Variants in MOBP observed in about 807,000 individuals in gnomAD.
The protein encoded by MOBP is myelin-associated oligodendrocyte basic protein.
MOBP carries 5 observed loss-of-function variants against 15.0 expected under a neutral mutation model. The ratio of observed to expected loss-of-function variants is 0.33; its 90% CI spans 0.17 to 0.70. The LOEUF is 0.70. MOBP is among the 30% of genes least tolerant of loss of function. The pLI, the probability that MOBP is intolerant of heterozygous loss-of-function variation, is 0.67. For missense variants in MOBP, 188 were observed against 257.8 expected, an observed-to-expected ratio of 0.73 and a Z score of 1.85; for synonymous variants, 88 against 99.0, an observed-to-expected ratio of 0.89 and a Z score of 0.66.
chr3:39,492,039 C>T (rs7627794), intron 2 of MOBP, among the ~76,000 whole-genome samples: 45,361 of 152,144 alleles, frequency 0.3, 9,150 homozygotes, highest in African/African-American at 0.57. Context: ...ACAGCTTTGG[C>T]TGGGAGGCTG....
intron 2 of MOBP, among the ~76,000 whole-genome samples, chr3:39,484,783 A>G (rs2042677855): frequency 6.6e-6 from 1 of 152,238 alleles, no homozygotes; most frequent in African/African-American, 2.4e-5. Context: ...TAACAACCGT[A>G]GGTCACACCC....
intron 2 of MOBP, among the ~76,000 whole-genome samples, chr3:39,486,850 T>C (rs2042717559): frequency 6.6e-6 from 1 of 152,160 alleles, no homozygotes; most frequent in Non-Finnish European, 1.5e-5. Flanking sequence ...AGGAATTATT[T>C]GTATATTATA....
exon 5 of MOBP, chr3:39,513,490 C>A: frequency 6.8e-7 from 1 of 1,480,372 alleles, no homozygotes; most frequent in Non-Finnish European, 9.4e-7. Context: ...ACCCATCTAC[C>A]CCTGGATGAA....
chr3:39,512,084 C>T (rs2043127118), intron 4 of MOBP, among the ~76,000 whole-genome samples: 1 of 152,204 alleles, frequency 6.6e-6, no homozygotes, highest in Non-Finnish European at 1.5e-5. Context: ...TTAACCCTAT[C>T]TACTAGCATA....
chr3:39,502,829 G>C lies in MOBP; in HGVS notation c.501G>C (p.Gly167=), dbSNP rs1401169438. Residue 167 remains glycine (G), a synonymous_variant, in exon 4 of 4, where the codon GGG becomes GGC. Coordinates refer to ENST00000684792, the MANE Select transcript of MOBP (RefSeq NM_001393704.1). The surrounding 1 kb of genome is among the most constrained non-coding windows in gnomAD (Gnocchi z 6.3). ...AGCCGCGCAGCAGCCCCCTCAGAGG[G>C]CCAGGCGCCAGCCGTGGGGGGTCCC... ...KQQPRSSPLR[G]PGASRGGSPV... 6.6e-7 allele frequency: 1 copy of C among 1,519,026 alleles called. No individual in the cohort carries two copies. Among genetic ancestry groups the C allele is most frequent in the Non-Finnish European group, 8.8e-7 (1 of 1,134,176 alleles). The allele number at this position is 1,519,026 out of a possible 1,614,324, so 94.1% of individuals were successfully genotyped here.
chr3:39,488,337 G>C (rs2042746193), intron 2 of MOBP, among the ~76,000 whole-genome samples: 1 of 152,116 alleles, frequency 6.6e-6, no homozygotes, highest in Non-Finnish European at 1.5e-5. Flanking sequence ...ACATGTCTAA[G>C]ATTGAACTCT....
chr3:39,482,149 C>G (rs961468350), intron 2 of MOBP, among the ~76,000 whole-genome samples: 2 of 152,130 alleles, frequency 1.3e-5, no homozygotes, highest in Non-Finnish European at 2.9e-5. Context: ...TAGATACTTC[C>G]AACACCCATC....
At position 39,481,193 on chromosome 3, in the gene MOBP, A is replaced by G. The variant is rs2042623461; in HGVS notation, c.-5+1070A>G. 2.0e-5 allele frequency among the ~76,000 whole-genome samples: 3 copies of G among 152,214 alleles called. No individual in the cohort carries two copies. In the South Asian group the frequency reaches 6.2e-4, roughly 31 times the overall value. ...ACTAAAGAAAAACAGAGTGGAGCAG[A>G]TTTGTATTTCTGCAAATTAATGGTC... On this transcript the variant is annotated intron_variant, in intron 2 of 3. Transcript: ENST00000684792.
At chr3:39,484,524 C>T (rs1367287234) in intron 2 of MOBP, among the ~76,000 whole-genome samples, 1 of 152,170 alleles carries the variant, frequency 6.6e-6, no homozygotes, top group East Asian at 1.9e-4. Context: ...GCTGGGCCCG[C>T]CTGTCCCCTT....
rs1458373298 is a variant in MOBP, at chr3:39,495,777, G to A, written c.-4-6289G>A. 2.7e-4 allele frequency among the ~76,000 whole-genome samples: 38 copies of A among 139,004 alleles called. No homozygotes were observed. The South Asian group carries it at 5.6e-3, about 20-fold the overall frequency. The allele number at this position is 139,004 out of a possible 152,430, so 91.2% of individuals were successfully genotyped here. On this transcript the variant is annotated intron_variant, in intron 2 of 3. Transcript: ENST00000684792. ...AAAAAAAAAAAAAAAAGAAAAGAAA[G>A]AGGAAAAAAAGAAATTATAAGTGCA...
At position 39,496,756 on chromosome 3, in the gene MOBP, C is replaced by T. The variant is rs549146942; in HGVS notation, c.-4-5310C>T. The stretch of plus-strand genomic sequence containing the variant: ...TCGGCTCACCACAACCTCTGCCTCC[C>T]GGGTTCAAGCGATTCTCCTGCCTCA... On this transcript the variant is annotated intron_variant, in intron 2 of 3. Transcript: ENST00000684792. Among the ~76,000 whole-genome samples the T allele has an allele frequency of 2.3e-3, 355 of 152,104 alleles. 2 individuals are homozygous for T. The highest frequency in any genetic ancestry group is 8.1e-3 in the African/African-American group (337 of 41,470).
At position 39,502,435 on chromosome 3, in the gene MOBP, G is replaced by A. The variant is rs1265624294; in HGVS notation, c.207-100G>A. ...CCAGGGAGACTGGAAGGTGGGTGGG[G>A]GAGCAGGGCCTTCCTACCTGTTTCC... is the stretch of plus-strand genomic sequence containing the variant. On this transcript the variant is annotated intron_variant, in intron 3 of 3. Transcript: ENST00000684792. This position sits in a 1 kb window ranked among gnomAD's most constrained non-coding sequence, Gnocchi z 6.3. 6.6e-7 allele frequency: 1 copy of A among 1,522,444 alleles called. No individual in the cohort carries two copies. The highest frequency in any genetic ancestry group is 8.8e-7 in the Non-Finnish European group (1 of 1,139,796). 94.3% of individuals were successfully genotyped at this position (1,522,444 alleles called of 1,614,324 possible). A position where few individuals can be genotyped will look rare whatever the true frequency, so the allele number is the denominator to read the frequency against.
At chr3:39,500,315 A>G (rs565112146) in intron 2 of MOBP, among the ~76,000 whole-genome samples, 4 of 152,376 alleles carry the variant, frequency 2.6e-5, no homozygotes, top group African/African-American at 9.6e-5. Context: ...TGTATAGTAA[A>G]TGTTAAATTA....
chr3:39,520,537 A>AGTGTGTGTGTGTGTGT (rs5848515), downstream of MOBP, among the ~76,000 whole-genome samples: 1 of 144,636 alleles, frequency 6.9e-6, no homozygotes, highest in African/African-American at 2.8e-5. Context: ...TGTGTTCATG[A>AGTGTGTGTGTGTGTGT]GTGTGTGTGT....
chr3:39,511,948 T>A (rs550095408), intron 4 of MOBP, among the ~76,000 whole-genome samples: 31 of 152,366 alleles, frequency 2.0e-4, no homozygotes, highest in African/African-American at 7.2e-4. Flanking sequence ...TCTTAAGTAC[T>A]TATTCTAAGT....
At chr3:39,496,000 T>C (rs1305947098) in intron 2 of MOBP, among the ~76,000 whole-genome samples, 1 of 151,798 alleles carries the variant, frequency 6.6e-6, no homozygotes, top group Non-Finnish European at 1.5e-5. Flanking sequence ...AAGAGAACAC[T>C]ACAGACAACA....
chr3:39,527,558 A>G (rs1447151232), downstream of MOBP: 1 of 151,582 alleles, frequency 6.6e-6, no homozygotes, highest in African/African-American at 2.4e-5. Flanking sequence ...TCCGTGTTCA[A>G]ATGATTCTCC....
At position 39,502,308 on chromosome 3, in the gene MOBP, G is replaced by C; in HGVS notation, c.206+33G>C. 1.4e-5 allele frequency: 22 copies of C among 1,612,632 alleles called. No individual in the cohort carries two copies. Among genetic ancestry groups the C allele is most frequent in the Non-Finnish European group, 1.9e-5 (22 of 1,179,462 alleles). Reference sequence around the variant, plus strand: ...GCCGCCCAGCCCCGCGGCACCAGTTGGGCACAGCGCGTGGTCTCGGCTCCC... The same window carrying C: ...GCCGCCCAGCCCCGCGGCACCAGTTCGGCACAGCGCGTGGTCTCGGCTCCC... On this transcript the variant is annotated intron_variant, in intron 3 of 3. Transcript: ENST00000684792. The surrounding 1 kb of genome is among the most constrained non-coding windows in gnomAD (Gnocchi z 6.3).
chr3:39,498,813 C>T (rs2042926983), intron 2 of MOBP, among the ~76,000 whole-genome samples: 1 of 152,020 alleles, frequency 6.6e-6, no homozygotes, highest in Non-Finnish European at 1.5e-5. Flanking sequence ...GGGAAGTTGT[C>T]ATGGAGTAAG....
Sources: allele counts gnomAD v4.1 joint callset (sites outside exome capture counted in the v4.1 genomes callset), GRCh38; gene constraint gnomAD v4.1.1; non-coding constraint Gnocchi (gnomAD v3.1); transcripts MANE v1.5; gene names NCBI Gene and HGNC (gene_info 2026-07-23, HGNC 2026-07-21).